Variants in UBE3D observed in about 807,000 individuals in gnomAD.
UBE3D encodes ubiquitin protein ligase E3D, also known as E3 ubiquitin-protein ligase E3D.
In UBE3D, 48 loss-of-function variants were observed where a neutral mutation model predicts 49.6. That is an observed-to-expected ratio of 0.97 (90% CI 0.77 to 1.23). The LOEUF (loss-of-function observed/expected upper bound fraction) is 1.23. Ranked by LOEUF, UBE3D falls within the 50% of genes most tolerant of loss-of-function variation. The pLI, the probability that UBE3D is intolerant of heterozygous loss-of-function variation, is 0.00. For synonymous variants in UBE3D, 189 were observed against 174.2 expected (o/e 1.08, Z -0.67); for missense variants, 452 against 468.4 (o/e 0.96, Z 0.32).
At chr6:82,886,568 A>G in the UBE3D span, among the ~76,000 whole-genome samples, 15 of 152,212 alleles carry the variant, frequency 9.9e-5, no homozygotes, top group African/African-American at 3.4e-4. Flanking sequence ...GGAAAAAAGT[A>G]AACACAAGCA....
At chr6:83,049,486 T>C (rs911129705) in intron 3 of UBE3D, among the ~76,000 whole-genome samples, 3 of 152,212 alleles carry the variant, frequency 2.0e-5, no homozygotes, top group African/African-American at 4.8e-5. Context: ...TTACCAATAG[T>C]GCAGTTGGTG....
chr6:82,926,307 T>C (rs762619090), intron 9 of UBE3D, among the ~76,000 whole-genome samples: 15 of 152,078 alleles, frequency 9.9e-5, no homozygotes, highest in Non-Finnish European at 1.8e-4. Context: ...GCTATTTCTT[T>C]TTAGTACTGA....
chr6:83,060,295 A>G (rs191234821), intron 1 of UBE3D, among the ~76,000 whole-genome samples: 54 of 152,292 alleles, frequency 3.5e-4, no homozygotes, highest in Non-Finnish European at 6.5e-4. Context: ...AAAATAAATA[A>G]ATGCCACTAG....
intron 7 of UBE3D, among the ~76,000 whole-genome samples, chr6:83,022,130 G>T (rs1052764316): frequency 6.6e-6 from 1 of 151,976 alleles, no homozygotes; most frequent in Non-Finnish European, 1.5e-5. Flanking sequence ...GAGTTCAAGC[G>T]ATTCTCCTGC....
intron 2 of UBE3D, among the ~76,000 whole-genome samples, chr6:83,057,299 T>G (rs1282581541): frequency 6.6e-6 from 1 of 152,176 alleles, no homozygotes; most frequent in African/African-American, 2.4e-5. Context: ...CATAACACTT[T>G]TCTTAATATT....
At chr6:82,992,103 C>T (rs1778927298) in intron 8 of UBE3D, among the ~76,000 whole-genome samples, 1 of 151,912 alleles carries the variant, frequency 6.6e-6, no homozygotes, top group East Asian at 1.9e-4. Flanking sequence ...TATAAGTATT[C>T]CAAGATGTCT....
intron 8 of UBE3D, among the ~76,000 whole-genome samples, chr6:82,995,590 A>T (rs917003661): frequency 3.3e-5 from 5 of 152,044 alleles, no homozygotes; most frequent in Admixed American, 3.3e-4. Flanking sequence ...TCTAATAAAC[A>T]TAAACAGAGA....
At chr6:82,973,555 A>T (rs1193215608) in intron 8 of UBE3D, among the ~76,000 whole-genome samples, 6 of 113,922 alleles carry the variant, frequency 5.3e-5, no homozygotes, top group African/African-American at 1.6e-4. Flanking sequence ...TTTTATTAAA[A>T]ATGATAGAAT....
At chr6:82,884,552 C>G in the UBE3D span, among the ~76,000 whole-genome samples, 2 of 152,140 alleles carry the variant, frequency 1.3e-5, no homozygotes, top group East Asian at 3.8e-4. Context: ...GTCTACTCCC[C>G]TATGTTTGGC....
intron 9 of UBE3D, among the ~76,000 whole-genome samples, chr6:82,904,458 T>A (rs528063250): frequency 6.6e-6 from 1 of 152,260 alleles, no homozygotes; most frequent in Admixed American, 6.5e-5. Context: ...GAGCTGAGAT[T>A]GAATGCCTCC....
In UBE3D at chr6:82,902,476, G is replaced by A. The variant is rs35248700; in HGVS notation, c.1150-9434C>T. ...GCCCACTATCAATACACATGACTCGGAAGAATCTCTAGGGAATTATGCTGA... is the reference window on the plus strand; with the variant it reads ...GCCCACTATCAATACACATGACTCGAAAGAATCTCTAGGGAATTATGCTGA... On this transcript the variant is annotated intron_variant, in intron 9 of 9. Coordinates refer to ENST00000369747, the MANE Select transcript of UBE3D (RefSeq NM_198920.3). Among the ~76,000 whole-genome samples the A allele has an allele frequency of 2.1e-3, 323 of 152,282 alleles. 1 individual carries two copies. The highest frequency in any genetic ancestry group is 3.4e-3 in the Non-Finnish European group (228 of 68,022).
chr6:82,975,333 A>G (rs1313005016), intron 8 of UBE3D, among the ~76,000 whole-genome samples: 1 of 152,140 alleles, frequency 6.6e-6, no homozygotes, highest in African/African-American at 2.4e-5. Context: ...GATAAGTTTT[A>G]AAAAAATAAA....
intron 9 of UBE3D, among the ~76,000 whole-genome samples, chr6:82,900,616 A>G (rs915010876): frequency 2.0e-5 from 3 of 152,154 alleles, no homozygotes; most frequent in Non-Finnish European, 4.4e-5. Flanking sequence ...TGAAGGAAAG[A>G]GGAGGAAATA....
At chr6:82,989,947 G>A (rs1167375189) in intron 8 of UBE3D, among the ~76,000 whole-genome samples, 1 of 152,152 alleles carries the variant, frequency 6.6e-6, no homozygotes, top group Non-Finnish European at 1.5e-5. Context: ...TGAAAGTTAT[G>A]AACACTTGCC....
At chr6:83,016,588 A>G (rs1780715131) in intron 8 of UBE3D, among the ~76,000 whole-genome samples, 1 of 151,908 alleles carries the variant, frequency 6.6e-6, no homozygotes, top group African/African-American at 2.4e-5. Flanking sequence ...GAGGGACGGA[A>G]CTAATAGGAT....
At chr6:82,923,953 A>T (rs1241910245) in intron 9 of UBE3D, among the ~76,000 whole-genome samples, 1 of 152,148 alleles carries the variant, frequency 6.6e-6, no homozygotes, top group Non-Finnish European at 1.5e-5. Context: ...AAGTAAAAAA[A>T]CAAATTTCAG....
At chr6:82,904,937 T>C (rs982859806) in intron 9 of UBE3D, among the ~76,000 whole-genome samples, 2 of 152,156 alleles carry the variant, frequency 1.3e-5, no homozygotes, top group African/African-American at 4.8e-5. Flanking sequence ...GAAAAATAAC[T>C]TGAAGCCCAG....
Position 82,977,090 on chromosome 6 carries a change from G to T in UBE3D, c.1011-19640C>A, listed in dbSNP as rs542072755. Among the ~76,000 whole-genome samples, 6 of 138,708 alleles carry T rather than the reference G, an allele frequency of 4.3e-5. No individual in the cohort carries two copies. In the South Asian group the frequency reaches 1.4e-3, roughly 33 times the overall value. 91.0% of individuals were successfully genotyped at this position (138,708 alleles called of 152,430 possible). On this transcript the variant is annotated intron_variant, in intron 8 of 9. Coordinates refer to ENST00000369747, the MANE Select transcript of UBE3D (RefSeq NM_198920.3). ...GATTGTGCCACTGCACTCCAGCCTG[G>T]GTGATAGAGCAAGACTCCATCTCAA...
intron 9 of UBE3D, among the ~76,000 whole-genome samples, chr6:82,934,593 A>G (rs895513227): frequency 6.6e-6 from 1 of 152,078 alleles, no homozygotes. Context: ...TAAGGAGGAG[A>G]AAACAGTTGT....
Sources: gnomAD v4.1 joint callset for allele counts (sites outside exome capture counted in the v4.1 genomes callset) on GRCh38, gnomAD v4.1.1 for gene constraint, MANE v1.5 for transcripts, NCBI Gene and HGNC (gene_info 2026-07-23, HGNC 2026-07-21) for gene names.